HMBOX1: variants seen among roughly 807,000 people sequenced by gnomAD.
HMBOX1 encodes homeobox containing 1.
In HMBOX1, 14 loss-of-function variants were observed where a neutral mutation model predicts 54.5. The observed-to-expected ratio is 0.26, with a 90% confidence interval of 0.17 to 0.40. The LOEUF (loss-of-function observed/expected upper bound fraction) is 0.40, where lower values mean the gene tolerates loss of function less well. Ranked by LOEUF, HMBOX1 falls within the 10% of genes least tolerant of loss-of-function variation. HMBOX1 has a pLI of 1.00. For missense variants in HMBOX1, 332 were observed against 514.4 expected (o/e 0.65, Z 3.43); for synonymous variants, 160 against 181.0 (o/e 0.88, Z 0.93).
chr8:28,941,935 T>C (rs1456639669), intron 1 of HMBOX1, among the ~76,000 whole-genome samples: 3 of 152,150 alleles, frequency 2.0e-5, no homozygotes, highest in African/African-American at 7.2e-5. Flanking sequence ...TAGGAGCCCT[T>C]GAATGGAATG....
At chr8:28,921,692 C>T (rs1383980762) in intron 1 of HMBOX1, among the ~76,000 whole-genome samples, 1 of 152,122 alleles carries the variant, frequency 6.6e-6, no homozygotes, top group Non-Finnish European at 1.5e-5. Flanking sequence ...AAGTACAGAA[C>T]ATATACCATA....
chr8:29,028,135 A>T (rs1802363790), intron 6 of HMBOX1, among the ~76,000 whole-genome samples: 1 of 152,202 alleles, frequency 6.6e-6, no homozygotes, highest in South Asian at 2.1e-4. Flanking sequence ...AGCATTAAAA[A>T]TTTTAGCTTG....
Position 28,953,917 on chromosome 8 carries a change from C to T in HMBOX1, c.-57-9894C>T, listed in dbSNP as rs377654956. 5.9e-5 allele frequency among the ~76,000 whole-genome samples: 9 copies of T among 152,268 alleles called. No homozygotes were observed. The South Asian group carries it at 1.9e-3, about 32-fold the overall frequency. On this transcript the variant is annotated intron_variant, in intron 1 of 9. Transcript: ENST00000287701. Reference sequence around the variant, plus strand: ...AAAAGAGTTGTATGTTAGCTGTATGCAGGCCTATGCATATTTTGTATCTTT... The same window carrying T: ...AAAAGAGTTGTATGTTAGCTGTATGTAGGCCTATGCATATTTTGTATCTTT...
chr8:28,899,968 T>G (rs1812883039), intron 1 of HMBOX1, among the ~76,000 whole-genome samples: 1 of 152,078 alleles, frequency 6.6e-6, no homozygotes, highest in Admixed American at 6.6e-5. Context: ...TTTTAGTTTC[T>G]GGCTGGGCGC....
chr8:28,920,865 GT>G (rs1332770723), intron 1 of HMBOX1, among the ~76,000 whole-genome samples: 3 of 152,162 alleles, frequency 2.0e-5, no homozygotes, highest in Non-Finnish European at 4.4e-5. Flanking sequence ...AGAGATTTAT[GT>G]TATTTTACTT....
At chr8:28,890,181 T>G (rs1180519399), upstream of HMBOX1, 2 of 423,668 alleles carry the variant, frequency 4.7e-6, no homozygotes, top group Non-Finnish European at 8.8e-6. Context: ...ATGTCTTCCT[T>G]ACGGGCCTGG....
At chr8:28,948,005 C>T (rs889042209) in intron 1 of HMBOX1, among the ~76,000 whole-genome samples, 1 of 152,144 alleles carries the variant, frequency 6.6e-6, no homozygotes, top group Non-Finnish European at 1.5e-5. Context: ...TCACTACAGC[C>T]TCTATCTCCT....
At chr8:28,996,679 A>G (rs1016640089) in intron 4 of HMBOX1, among the ~76,000 whole-genome samples, 1 of 152,210 alleles carries the variant, frequency 6.6e-6, no homozygotes, top group Admixed American at 6.5e-5. Context: ...GAAAACGCCT[A>G]TTCCCAAATC....
In HMBOX1 at chr8:28,963,808, C is replaced by T. The variant is rs1825994531; in HGVS notation, c.-57-3C>T. The T allele has an allele frequency of 7.3e-7, 1 of 1,366,996 alleles. No homozygotes were observed. The highest frequency in any genetic ancestry group is 1.0e-6 in the Non-Finnish European group (1 of 985,564). The allele number at this position is 1,366,996 out of a possible 1,614,324, so 84.7% of individuals were successfully genotyped here. ...TTCTCAATTTTCTATCTTTGTTCTA[C>T]AGAATGGTAGATAACGCAGATCATC... On this transcript the variant is annotated splice_region_variant and splice_polypyrimidine_tract_variant and intron_variant, in intron 1 of 9. Coordinates refer to ENST00000287701, the MANE Select transcript of HMBOX1 (RefSeq NM_001135726.3).
intron 1 of HMBOX1, among the ~76,000 whole-genome samples, chr8:28,919,885 A>G (rs562819250): frequency 7.2e-5 from 11 of 152,162 alleles, no homozygotes; most frequent in Middle Eastern, 3.2e-3. Flanking sequence ...TACTCAAGAG[A>G]TCAGTGTTAT....
At chr8:28,926,282 G>GATAT (rs111417034) in intron 1 of HMBOX1, among the ~76,000 whole-genome samples, 3 of 145,602 alleles carry the variant, frequency 2.1e-5, no homozygotes, top group East Asian at 2.1e-4. Context: ...ATTCATGGCA[G>GATAT]ATATATATAT....
chr8:29,029,096 A>G (rs1490448508), intron 6 of HMBOX1, among the ~76,000 whole-genome samples: 1 of 152,164 alleles, frequency 6.6e-6, no homozygotes, highest in Non-Finnish European at 1.5e-5. Flanking sequence ...CCGCCTATTA[A>G]AAAAACACTC....
At chr8:29,017,566 T>G (rs546780726) in intron 5 of HMBOX1, among the ~76,000 whole-genome samples, 1 of 152,342 alleles carries the variant, frequency 6.6e-6, no homozygotes, top group Admixed American at 6.5e-5. Context: ...TATGAATTAG[T>G]TATGTATAGG....
chr8:28,955,312 C>T (rs1193415310), intron 1 of HMBOX1, among the ~76,000 whole-genome samples: 1 of 152,010 alleles, frequency 6.6e-6, no homozygotes, highest in Non-Finnish European at 1.5e-5. Flanking sequence ...CCTATACGCA[C>T]ACCCATTCTT....
chr8:28,954,567 T>C (rs1365342028), intron 1 of HMBOX1, among the ~76,000 whole-genome samples: 1 of 152,234 alleles, frequency 6.6e-6, no homozygotes, highest in Admixed American at 6.5e-5. Flanking sequence ...CTGTACAATG[T>C]AAATTCAATT....
At chr8:28,952,751 C>T (rs946012411) in intron 1 of HMBOX1, among the ~76,000 whole-genome samples, 2 of 152,120 alleles carry the variant, frequency 1.3e-5, no homozygotes, top group Non-Finnish European at 2.9e-5. Flanking sequence ...AAAGGCTACA[C>T]GAGTATCTAT....
chr8:28,963,374 A>G (rs1478544974), intron 1 of HMBOX1, among the ~76,000 whole-genome samples: 2 of 152,216 alleles, frequency 1.3e-5, no homozygotes, highest in African/African-American at 4.8e-5. Flanking sequence ...TTCTAACTTT[A>G]CCTTGTACAT....
chr8:28,972,621 C>T (rs970857709), intron 3 of HMBOX1, among the ~76,000 whole-genome samples: 12 of 152,032 alleles, frequency 7.9e-5, no homozygotes, highest in African/African-American at 2.2e-4. Context: ...CTGGTTTTTT[C>T]GGTGTTGTTG....
In HMBOX1 at chr8:28,931,833, A is replaced by T. The variant is rs1585885506; in HGVS notation, c.-57-31978A>T. Among the ~76,000 whole-genome samples the T allele has an allele frequency of 2.0e-5, 3 of 152,244 alleles. 1 individual carries two copies. Among genetic ancestry groups the T allele is most frequent in the South Asian group, 4.1e-4 (2 of 4,820 alleles). Reference sequence around the variant, plus strand: ...TGGGATTACAGGCGTGAGCTACTGCACCCAGCCAATACCTTATCTTTACAT... The same window carrying T: ...TGGGATTACAGGCGTGAGCTACTGCTCCCAGCCAATACCTTATCTTTACAT... On this transcript the variant is annotated intron_variant, in intron 1 of 9. Coordinates refer to ENST00000287701, the MANE Select transcript of HMBOX1 (RefSeq NM_001135726.3).
Sources: gnomAD v4.1 joint callset for allele counts (sites outside exome capture counted in the v4.1 genomes callset) on GRCh38, gnomAD v4.1.1 for gene constraint, MANE v1.5 for transcripts, NCBI Gene and HGNC (gene_info 2026-07-23, HGNC 2026-07-21) for gene names.